Variants in IFI16 observed in about 807,000 individuals in gnomAD.
IFI16 encodes gamma-interferon-inducible protein 16.
A neutral mutation model predicts 68.4 loss-of-function variants in IFI16; 49 were observed. That is an observed-to-expected ratio of 0.72 (90% CI 0.57 to 0.91). IFI16 has a LOEUF of 0.91. Among genes scored for constraint, IFI16 ranks in the 40% least tolerant of loss-of-function variants. IFI16 has a pLI of 0.00. For synonymous variants in IFI16, 307 were observed against 315.0 expected (o/e 0.97, Z 0.27); for missense variants, 878 against 942.9 (o/e 0.93, Z 0.90).
intron 7 of IFI16, among the ~76,000 whole-genome samples, chr1:159,037,039 G>C (rs1439727470): frequency 6.6e-6 from 1 of 152,184 alleles, no homozygotes; most frequent in Non-Finnish European, 1.5e-5. Flanking sequence ...TCTTGCTTCA[G>C]GTGGATAGAC....
At chr1:159,001,318 G>A (rs1197670188), upstream of IFI16, among the ~76,000 whole-genome samples, 4 of 152,166 alleles carry the variant, frequency 2.6e-5, no homozygotes, top group Non-Finnish European at 4.4e-5. Context: ...CCAAGAACAA[G>A]AAAGGATGTT....
intron 6 of IFI16, among the ~76,000 whole-genome samples, chr1:159,029,721 C>T (rs182765155): frequency 1.3e-5 from 2 of 149,696 alleles, no homozygotes; most frequent in East Asian, 3.9e-4. Flanking sequence ...GCTCTTGTTG[C>T]CCAGGCTGGA....
chr1:159,020,351 A>C lies in IFI16; in HGVS notation c.983A>C (p.Asn328Thr). 6.2e-7 allele frequency: 1 copy of C among 1,605,748 alleles called. No individual in the cohort carries two copies. Among genetic ancestry groups the C allele is most frequent in the Non-Finnish European group, 8.5e-7 (1 of 1,175,936 alleles). ...AATTTTCTGTTACAGAAAACAGTAA[A>C]TCAGAAGACCACAATCTACGAAATT... ...GVFMLHKKTV[N>T]QKTTIYEIQD... The change falls in exon 6 of 12, where the codon AAT (asparagine) becomes ACT (threonine). Residue 328 changes from asparagine (N) to threonine (T), a missense_variant. Physicochemically the swap from Asn to Thr is moderately conservative, Grantham distance 65. This residue lies in a region of IFI16 where 443 missense variants were observed against 421.8 expected (regional missense o/e 1.05). Transcript: ENST00000295809.
intron 5 of IFI16, 59 bp from the exon 6 acceptor site, chr1:159,020,282 C>G (rs1163221784): frequency 8.7e-6 from 11 of 1,265,600 alleles, no homozygotes; most frequent in Non-Finnish European, 5.7e-6. Context: ...GGACTTCAGC[C>G]TATATGTGGT....
Position 159,015,801 on chromosome 1 carries a change from A to T in IFI16, c.266-71A>T. On this transcript the variant is annotated intron_variant, in intron 2 of 11. Transcript: ENST00000295809. ...GAGCAAATTGTATTGAAACTGCTTC[A>T]GCTGTCGGAGATCGTTTATATGTCT... The T allele has an allele frequency of 5.4e-6, 6 of 1,110,428 alleles. No individual in the cohort carries two copies. The East Asian group carries it at 1.4e-4, about 26-fold the overall frequency. The allele number at this position is 1,110,428 out of a possible 1,614,324, so 68.8% of individuals were successfully genotyped here.
intron 1 of IFI16, among the ~76,000 whole-genome samples, chr1:159,010,654 T>C (rs1268507156): frequency 6.6e-6 from 1 of 152,196 alleles, no homozygotes; most frequent in Non-Finnish European, 1.5e-5. Flanking sequence ...AGAAAATTTT[T>C]TTCAGTTTCA....
chr1:159,009,561 C>T (rs991066617), upstream of IFI16, among the ~76,000 whole-genome samples: 1 of 152,152 alleles, frequency 6.6e-6, no homozygotes, highest in Non-Finnish European at 1.5e-5. Flanking sequence ...GAATATAAGT[C>T]TCTAATGACT....
chr1:159,053,734 T>C lies in IFI16; in HGVS notation c.2277+10T>C. Reference sequence around the variant, plus strand: ...TCATAGTCACATCAAGGTTGGAACTTTATAGGAACATCATTTTTCCAAGTG... The same window carrying C: ...TCATAGTCACATCAAGGTTGGAACTCTATAGGAACATCATTTTTCCAAGTG... On this transcript the variant is annotated intron_variant, in intron 11 of 11. Coordinates refer to ENST00000295809, the MANE Select transcript of IFI16 (RefSeq NM_001376587.1). 1 of 1,601,668 alleles carries C rather than the reference T, an allele frequency of 6.2e-7. No individual in the cohort carries two copies. Among genetic ancestry groups the C allele is most frequent in the Non-Finnish European group, 8.5e-7 (1 of 1,170,264 alleles).
intron 6 of IFI16, among the ~76,000 whole-genome samples, chr1:159,030,013 T>C (rs1653905540): frequency 6.6e-6 from 1 of 152,056 alleles, no homozygotes; most frequent in South Asian, 2.1e-4. Context: ...TTTTTCTTCA[T>C]CTTTGTCAGA....
chr1:159,039,065 G>A (rs1020746343), intron 7 of IFI16, among the ~76,000 whole-genome samples: 4 of 152,078 alleles, frequency 2.6e-5, no homozygotes, highest in African/African-American at 4.8e-5. Flanking sequence ...TAAACTGAGA[G>A]GGTTATTTAA....
chr1:159,019,662 T>C (rs1571844634), intron 5 of IFI16, among the ~76,000 whole-genome samples: 1 of 91,206 alleles, frequency 1.1e-5, no homozygotes, highest in Admixed American at 8.4e-5. Context: ...GGTTTCACTA[T>C]GTTAGCCAGG....
At chr1:159,027,951 C>T (rs1164234622) in intron 6 of IFI16, among the ~76,000 whole-genome samples, 6 of 151,862 alleles carry the variant, frequency 4.0e-5, no homozygotes, top group Non-Finnish European at 4.4e-5. Context: ...TTTATTTTTT[C>T]AAAGAACCAG....
At chr1:159,000,810 C>T (rs1652031045) in intron 1 of IFI16, among the ~76,000 whole-genome samples, 1 of 152,124 alleles carries the variant, frequency 6.6e-6, no homozygotes, top group African/African-American at 2.4e-5. Context: ...GTGCTTGGCT[C>T]ATGGGGGTGG....
chr1:159,004,435 T>C (rs1652176592), upstream of IFI16, among the ~76,000 whole-genome samples: 1 of 152,196 alleles, frequency 6.6e-6, no homozygotes, highest in Admixed American at 6.5e-5. Flanking sequence ...CCGGGCATCG[T>C]GACTCACGCC....
chr1:159,004,588 C>T (rs1457177355), upstream of IFI16, among the ~76,000 whole-genome samples: 1 of 152,066 alleles, frequency 6.6e-6, no homozygotes, highest in Non-Finnish European at 1.5e-5. Flanking sequence ...GCGTGTAATT[C>T]TGGCTACTTA....
At chr1:159,027,566 C>T (rs981281574) in intron 6 of IFI16, among the ~76,000 whole-genome samples, 1 of 151,868 alleles carries the variant, frequency 6.6e-6, no homozygotes, top group Admixed American at 6.6e-5. Flanking sequence ...GGAGGATTCT[C>T]TCTTTCTCTA....
intron 10 of IFI16, 176 bp from the exon 11 acceptor site, chr1:159,053,357 T>C (rs541421464): frequency 7.1e-6 from 3 of 425,412 alleles, no homozygotes; most frequent in East Asian, 7.1e-5. Context: ...AAGGGAGGAG[T>C]TGAAAGGCAG....
chr1:159,014,559 C>A, intron 1 of IFI16, 102 bp from the exon 2 acceptor site: 2 of 702,126 alleles, frequency 2.8e-6, no homozygotes, highest in East Asian at 2.8e-5. Flanking sequence ...CACACATATT[C>A]ATGAACAACT....
chr1:159,027,681 T>G (rs148227311), intron 6 of IFI16, among the ~76,000 whole-genome samples: 1,862 of 152,280 alleles, frequency 0.012, 21 homozygotes, highest in Non-Finnish European at 0.018. Context: ...TATTGGAAAT[T>G]ATTTTTTATT....
Sources: gnomAD v4.1 joint callset for allele counts (sites outside exome capture counted in the v4.1 genomes callset) on GRCh38, gnomAD v4.1.1 for gene constraint, gnomAD v4.1.1 regional missense constraint, MANE v1.5 for transcripts, NCBI Gene and HGNC (gene_info 2026-07-23, HGNC 2026-07-21) for gene names.